Variants in GRM5 observed in about 807,000 individuals in gnomAD.
The protein encoded by GRM5 is metabotropic glutamate receptor 5.
Under a neutral mutation model 83.1 loss-of-function variants are expected in GRM5, and 19 were observed. That is an observed-to-expected ratio of 0.23 (90% CI 0.16 to 0.34). The LOEUF (loss-of-function observed/expected upper bound fraction) is 0.34, where lower values mean the gene tolerates loss of function less well. Among genes scored for constraint, GRM5 ranks in the 10% least tolerant of loss-of-function variants. GRM5 has a pLI of 1.00. For synonymous variants in GRM5, 675 were observed against 633.6 expected (o/e 1.07, Z -0.98); for missense variants, 1,160 against 1,588.3 (o/e 0.73, Z 4.58).
At chr11:88,526,912 T>C (rs915079879) in intron 8 of GRM5, among the ~76,000 whole-genome samples, 13 of 152,140 alleles carry the variant, frequency 8.5e-5, no homozygotes, top group African/African-American at 3.1e-4. Context: ...CCCCACCTGT[T>C]AGAATTTACC....
chr11:88,553,640 T>G (rs979672702), intron 8 of GRM5, among the ~76,000 whole-genome samples: 1 of 152,158 alleles, frequency 6.6e-6, no homozygotes, highest in African/African-American at 2.4e-5. Flanking sequence ...TGTTTATCCC[T>G]GAGGAATATA....
At position 88,506,194 on chromosome 11, in the gene GRM5, G is replaced by GT. The variant is rs1417226181; in HGVS notation, c.*2397dup. 6.6e-6 allele frequency: 1 copy of GT among 152,110 alleles called. No individual in the cohort carries two copies. The highest frequency in any genetic ancestry group is 1.5e-5 in the Non-Finnish European group (1 of 68,020). The allele number at this position is 152,110 out of a possible 1,614,324, so 9.4% of individuals were successfully genotyped here. A position where few individuals can be genotyped will look rare whatever the true frequency, so the allele number is the denominator to read the frequency against. Reference sequence around the variant, plus strand: ...TGCATTAAATTTAATTTCTGATGAAGTTTTTTATAAGGTAGTGTGCTTTTT... The same window carrying GT: ...TGCATTAAATTTAATTTCTGATGAAGTTTTTTTATAAGGTAGTGTGCTTTTT... On this transcript the variant is annotated 3_prime_UTR_variant, in exon 10 of 10. Coordinates refer to ENST00000305447, the MANE Select transcript of GRM5 (RefSeq NM_001143831.3).
intron 2 of GRM5, among the ~76,000 whole-genome samples, chr11:88,996,435 T>C (rs951452600): frequency 1.3e-5 from 2 of 152,200 alleles, no homozygotes; most frequent in African/African-American, 4.8e-5. Flanking sequence ...TGAATGATGA[T>C]ACATCAGGTC....
At chr11:88,638,166 G>A (rs1322717964) in intron 4 of GRM5, among the ~76,000 whole-genome samples, 1 of 101,832 alleles carries the variant, frequency 9.8e-6, no homozygotes, top group African/African-American at 3.9e-5. Context: ...GGGGTGGGGG[G>A]AGGGGGGAGG....
chr11:88,865,227 A>G (rs954562059), intron 2 of GRM5, among the ~76,000 whole-genome samples: 1 of 152,160 alleles, frequency 6.6e-6, no homozygotes, highest in African/African-American at 2.4e-5. Flanking sequence ...GACCAATGGA[A>G]CAGAACAGAG....
intron 4 of GRM5, among the ~76,000 whole-genome samples, chr11:88,650,478 T>C (rs1033405825): frequency 6.6e-6 from 1 of 151,886 alleles, no homozygotes; most frequent in Non-Finnish European, 1.5e-5. Context: ...AAAAAGCCAA[T>C]TGAAATCACC....
intron 3 of GRM5, among the ~76,000 whole-genome samples, chr11:88,693,119 T>C (rs796287198): frequency 6.6e-6 from 1 of 151,190 alleles, no homozygotes; most frequent in African/African-American, 2.4e-5. Flanking sequence ...GAAGATTACA[T>C]AGCACAGAAA....
intron 2 of GRM5, among the ~76,000 whole-genome samples, chr11:88,892,540 C>T (rs1231940307): frequency 6.6e-6 from 1 of 151,984 alleles, no homozygotes; most frequent in Non-Finnish European, 1.5e-5. Context: ...TCTTGCTGCA[C>T]TTTATGCAAA....
chr11:88,716,805 G>A, intron 3 of GRM5, among the ~76,000 whole-genome samples: 1 of 151,490 alleles, frequency 6.6e-6, no homozygotes, highest in East Asian at 1.9e-4. Flanking sequence ...GAGTTGAGAA[G>A]TACTTACCAT....
rs751316954 is a variant in GRM5 at position 88,509,287 on chromosome 11, A to G, written c.2944T>C (p.Cys982Arg). The G allele has an allele frequency of 1.1e-5, 17 of 1,484,330 alleles. No homozygotes were observed. The highest frequency in any genetic ancestry group is 1.5e-5 in the Non-Finnish European group (17 of 1,121,192). The allele number at this position is 1,484,330 out of a possible 1,614,324, so 91.9% of individuals were successfully genotyped here. A position where few individuals can be genotyped will look rare whatever the true frequency, so the allele number is the denominator to read the frequency against. Residue 982 changes from cysteine to arginine, a missense_variant, in exon 10 of 10, where the codon TGC becomes CGC. Physicochemically the swap from Cys to Arg is radical, Grantham distance 180. Coordinates refer to ENST00000305447, the MANE Select transcript of GRM5 (RefSeq NM_001143831.3). ...GGCCCGCCTGGGCCGGCGCCTGCGC[A>G]GCCCGCACCGCCCGTGGCCCCCACG... Reference protein sequence around the residue: ...GGVGATGGAGCAGAGPGGPES... With the variant: ...GGVGATGGAGRAGAGPGGPES...
At chr11:88,858,918 G>C (rs1185535319) in intron 2 of GRM5, among the ~76,000 whole-genome samples, 1 of 151,986 alleles carries the variant, frequency 6.6e-6, no homozygotes, top group East Asian at 1.9e-4. Flanking sequence ...ATAGATAAAA[G>C]TGTAGGAAGT....
intron 4 of GRM5, among the ~76,000 whole-genome samples, chr11:88,642,066 C>A (rs567660896): frequency 6.6e-6 from 1 of 152,250 alleles, no homozygotes; most frequent in African/African-American, 2.4e-5. Flanking sequence ...TCTGCTTGGG[C>A]ACCCAGTTTG....
intron 3 of GRM5, among the ~76,000 whole-genome samples, chr11:88,732,377 A>G (rs1941826644): frequency 6.6e-6 from 1 of 152,032 alleles, no homozygotes; most frequent in Non-Finnish European, 1.5e-5. Flanking sequence ...TATATAAAAC[A>G]AAAAATTGCA....
At chr11:88,784,661 TG>T (rs1943032548) in intron 3 of GRM5, among the ~76,000 whole-genome samples, 1 of 152,036 alleles carries the variant, frequency 6.6e-6, no homozygotes, top group African/African-American at 2.4e-5. Flanking sequence ...TGTGTTGTAA[TG>T]GGTAGAAATT....
At chr11:88,948,484 C>T (rs531117289) in intron 2 of GRM5, among the ~76,000 whole-genome samples, 16 of 152,282 alleles carry the variant, frequency 1.1e-4, no homozygotes, top group Non-Finnish European at 1.8e-4. Flanking sequence ...CACATTATAT[C>T]CTTCTTTTAC....
intron 2 of GRM5, among the ~76,000 whole-genome samples, chr11:88,972,923 A>G (rs1297897693): frequency 2.6e-5 from 4 of 152,174 alleles, no homozygotes; most frequent in Non-Finnish European, 1.5e-5. Context: ...CTTGCCAGAA[A>G]CATACAAATC....
intron 2 of GRM5, among the ~76,000 whole-genome samples, chr11:88,937,774 A>C (rs1056010946): frequency 2.6e-5 from 4 of 151,690 alleles, no homozygotes; most frequent in Admixed American, 6.6e-5. Flanking sequence ...GAAGCAGAAA[A>C]TTAGAAGAGG....
chr11:88,915,870 C>T (rs1056441241), intron 2 of GRM5, among the ~76,000 whole-genome samples: 1 of 152,082 alleles, frequency 6.6e-6, no homozygotes, highest in Non-Finnish European at 1.5e-5. Context: ...TTTTTAGTCT[C>T]ATGGTTGTCT....
At chr11:88,571,839 A>C (rs1363134261) in intron 7 of GRM5, among the ~76,000 whole-genome samples, 1 of 152,158 alleles carries the variant, frequency 6.6e-6, no homozygotes, top group African/African-American at 2.4e-5. Flanking sequence ...AAAAGGCAGG[A>C]GGCTGTGATG....
Sources: allele counts gnomAD v4.1 joint callset (sites outside exome capture counted in the v4.1 genomes callset), GRCh38; gene constraint gnomAD v4.1.1; transcripts MANE v1.5; gene names NCBI Gene and HGNC (gene_info 2026-07-23, HGNC 2026-07-21).